The following CSMD1 variants were observed in gnomAD, a reference collection of about 807,000 sequenced individuals.
CSMD1 encodes the protein CUB and Sushi multiple domains 1.
CSMD1 carries 213 observed loss-of-function variants against 417.5 expected under a neutral mutation model. That is an observed-to-expected ratio of 0.51 (90% CI 0.46 to 0.57). CSMD1 has a LOEUF of 0.57. Among genes scored for constraint, CSMD1 ranks in the 20% least tolerant of loss-of-function variants. The pLI is 0.00. For synonymous variants in CSMD1, 2,862 were observed against 1,736.8 expected (o/e 1.65, Z -16.11); for missense variants, 6,923 against 4,529.7 (o/e 1.53, Z -15.17).
At chr8:4,000,697 C>A (rs1453011452) in intron 4 of CSMD1, among the ~76,000 whole-genome samples, 1 of 151,898 alleles carries the variant, frequency 6.6e-6, no homozygotes, top group Non-Finnish European at 1.5e-5. Flanking sequence ...ATATCACACA[C>A]ATTAATATTT....
At chr8:4,406,782 A>G (rs999515780) in intron 3 of CSMD1, among the ~76,000 whole-genome samples, 9 of 152,198 alleles carry the variant, frequency 5.9e-5, no homozygotes, top group Admixed American at 4.6e-4. Flanking sequence ...AGAACTCCTG[A>G]GTCATCTGGT....
At chr8:3,258,621 A>G (rs139373347) in intron 26 of CSMD1, among the ~76,000 whole-genome samples, 6 of 152,312 alleles carry the variant, frequency 3.9e-5, no homozygotes, top group Admixed American at 6.5e-5. Context: ...AAATCATTCT[A>G]TTATAAAGAC....
At chr8:4,691,198 G>A (rs1332783652) in intron 1 of CSMD1, among the ~76,000 whole-genome samples, 1 of 152,192 alleles carries the variant, frequency 6.6e-6, no homozygotes, top group South Asian at 2.1e-4. Flanking sequence ...CTGCAAATCA[G>A]CAGCAAACTC....
chr8:4,431,276 ATTTAT>A (rs1797858096), intron 2 of CSMD1, among the ~76,000 whole-genome samples: 2 of 152,156 alleles, frequency 1.3e-5, no homozygotes, highest in South Asian at 2.1e-4. Context: ...TAATATGCAA[ATTTAT>A]TTTATCATAT....
chr8:3,847,250 G>A (rs991666274), intron 5 of CSMD1, among the ~76,000 whole-genome samples: 1 of 152,168 alleles, frequency 6.6e-6, no homozygotes, highest in Admixed American at 6.5e-5. Context: ...TGCAGATGTA[G>A]AAAGGTCCCT....
intron 7 of CSMD1, among the ~76,000 whole-genome samples, chr8:3,685,806 G>C (rs1285379310): frequency 2.0e-5 from 3 of 151,844 alleles, no homozygotes; most frequent in Non-Finnish European, 2.9e-5. Flanking sequence ...CATTTATAAA[G>C]TACATGAGAT....
At chr8:3,242,709 A>T (rs1171335739) in intron 26 of CSMD1, among the ~76,000 whole-genome samples, 1 of 151,728 alleles carries the variant, frequency 6.6e-6, no homozygotes, top group East Asian at 2.0e-4. Flanking sequence ...GGTTGCCCAT[A>T]GTGAAGGAAG....
chr8:3,097,675 T>C (rs978891938), intron 46 of CSMD1, among the ~76,000 whole-genome samples: 1 of 152,206 alleles, frequency 6.6e-6, no homozygotes, highest in Admixed American at 6.5e-5. Flanking sequence ...AAATGTGTTG[T>C]TATTTCTGGA....
intron 26 of CSMD1, among the ~76,000 whole-genome samples, chr8:3,239,796 G>A (rs971588091): frequency 1.3e-5 from 2 of 152,134 alleles, no homozygotes; most frequent in Non-Finnish European, 2.9e-5. Context: ...CAGGAAAGAA[G>A]GAAACATGGG....
intron 7 of CSMD1, among the ~76,000 whole-genome samples, chr8:3,665,503 T>C (rs1798641495): frequency 6.6e-6 from 1 of 152,120 alleles, no homozygotes; most frequent in African/African-American, 2.4e-5. Flanking sequence ...CACTCCAGCC[T>C]GGGCGACAGA....
chr8:3,935,982 T>A (rs563137497), intron 5 of CSMD1, among the ~76,000 whole-genome samples: 2 of 152,178 alleles, frequency 1.3e-5, no homozygotes, highest in South Asian at 2.1e-4. Flanking sequence ...ATAGTAAAAG[T>A]GCTATTTCAG....
chr8:4,050,864 G>C (rs76537606), intron 3 of CSMD1, among the ~76,000 whole-genome samples: 1 of 152,000 alleles, frequency 6.6e-6, no homozygotes, highest in African/African-American at 2.4e-5. Flanking sequence ...GATCTGAAAG[G>C]GCACTTCTAA....
chr8:3,019,616 A>G (rs1355181492), intron 51 of CSMD1, among the ~76,000 whole-genome samples: 2 of 152,372 alleles, frequency 1.3e-5, no homozygotes, highest in East Asian at 1.9e-4. Flanking sequence ...ACGTGCATAC[A>G]AACTAGACCT....
chr8:3,573,691 A>T (rs1800033555), intron 10 of CSMD1, among the ~76,000 whole-genome samples: 1 of 152,208 alleles, frequency 6.6e-6, no homozygotes, highest in South Asian at 2.1e-4. Context: ...CTTTGAGAGG[A>T]AACTATATAA....
At chr8:4,754,778 A>G (rs1206779241) in intron 1 of CSMD1, among the ~76,000 whole-genome samples, 1 of 151,776 alleles carries the variant, frequency 6.6e-6, no homozygotes, top group Non-Finnish European at 1.5e-5. Context: ...GAACCCAGGA[A>G]GCAGAGGTTG....
intron 4 of CSMD1, among the ~76,000 whole-genome samples, chr8:4,024,722 T>C (rs567179541): frequency 3.9e-5 from 6 of 152,276 alleles, no homozygotes; most frequent in African/African-American, 1.4e-4. Context: ...TCATTGGAGT[T>C]GCACATAGGA....
chr8:3,722,732 C>T (rs903724589), intron 6 of CSMD1, among the ~76,000 whole-genome samples: 2 of 152,100 alleles, frequency 1.3e-5, no homozygotes, highest in East Asian at 1.9e-4. Context: ...AAACTCTTGT[C>T]GTTAGGTTTT....
At position 3,120,709 on chromosome 8, in the gene CSMD1, G is replaced by GGT. The variant is rs560124576; in HGVS notation, c.6242-2123_6242-2122insAC. On this transcript the variant is annotated intron_variant, in intron 41 of 69. Coordinates refer to ENST00000635120, the MANE Select transcript of CSMD1 (RefSeq NM_033225.6). ...TAAAAATACAAAAATTAGCCAGGGG[G>GGT]GGTGACCGGCACCTGTAATCCCAGC... is the stretch of plus-strand genomic sequence containing the variant. 1.7e-3 allele frequency among the ~76,000 whole-genome samples: 251 copies of GGT among 150,578 alleles called. 9 individuals are homozygous for GGT. In the South Asian group the frequency reaches 0.03, roughly 18 times the overall value.
chr8:4,749,581 A>G (rs924034682), intron 1 of CSMD1, among the ~76,000 whole-genome samples: 1 of 152,236 alleles, frequency 6.6e-6, no homozygotes, highest in South Asian at 2.1e-4. Flanking sequence ...GAAAATGTCA[A>G]TGATCTTGTA....
Sources: gnomAD v4.1 joint callset for allele counts (sites outside exome capture counted in the v4.1 genomes callset) on GRCh38, gnomAD v4.1.1 for gene constraint, MANE v1.5 for transcripts, NCBI Gene and HGNC (gene_info 2026-07-23, HGNC 2026-07-21) for gene names.